Variants in GDF10 observed in about 807,000 individuals in gnomAD.
GDF10 encodes growth/differentiation factor 10.
In GDF10, 23 loss-of-function variants were observed where a neutral mutation model predicts 32.1. The observed-to-expected ratio is 0.72, with a 90% CI of 0.52 to 1.02. The LOEUF (loss-of-function observed/expected upper bound fraction) is 1.02. Ranked by LOEUF, GDF10 falls within the 50% of genes least tolerant of loss-of-function variation. The probability of loss-of-function intolerance (pLI) is 0.00; values close to 1 mark genes in which losing one functional copy is unlikely to be tolerated. For missense variants in GDF10, 764 were observed against 673.9 expected, an observed-to-expected ratio of 1.13 and a Z score of -1.48; for synonymous variants, 328 against 303.1, an observed-to-expected ratio of 1.08 and a Z score of -0.85.
Position 47,312,771 on chromosome 10 carries a change from G to A in GDF10, c.1416G>A (p.Val472=). 6.3e-7 allele frequency: 1 copy of A among 1,592,334 alleles called. No individual in the cohort carries two copies. Among genetic ancestry groups the A allele is most frequent in the Non-Finnish European group, 8.6e-7 (1 of 1,168,584 alleles). The change falls in exon 3 of 3, where the codon GTG becomes GTA. Residue 472 remains valine, a synonymous_variant. Coordinates refer to ENST00000580279, the MANE Select transcript of GDF10 (RefSeq NM_004962.5). ...TGAAGGTGTACCCCAACATGTCCGT[G>A]GACACCTGTGCCTGCCGGTGAGACC... ...VVLKVYPNMS[V]DTCACR
chr10:47,310,198 C>G lies in GDF10; in HGVS notation c.722C>G (p.Ala241Gly). 1 of 1,610,848 alleles carries G rather than the reference C, an allele frequency of 6.2e-7. No individual in the cohort carries two copies. Among genetic ancestry groups the G allele is most frequent in the Non-Finnish European group, 8.5e-7 (1 of 1,178,832 alleles). ...DPGVPRPSPY[A>G]PYILVYANDL... is the part of the protein sequence containing the mutation. Reference sequence around the variant, plus strand: ...GGGGTGCCCCGGCCCAGCCCCTATGCGCCCTACATCCTAGTCTATGCCAAC... The same window carrying G: ...GGGGTGCCCCGGCCCAGCCCCTATGGGCCCTACATCCTAGTCTATGCCAAC... The change falls in exon 2 of 3, where the codon GCG becomes GGG. Residue 241 changes from alanine (A) to glycine (G), a missense_variant. By Grantham distance (60) the Ala-to-Gly change is moderately conservative (BLOSUM62 0). Transcript: ENST00000580279.
rs2061036960 is a variant in GDF10 at position 47,309,863 on chromosome 10, T to G, written c.387T>G (p.Leu129=). The change falls in exon 2 of 3, where the codon CTT becomes CTG. Residue 129 remains leucine (L), a synonymous_variant. Transcript: ENST00000580279. Reference sequence around the variant, plus strand: ...CCATGCAAGACTCGGAAATGATCCTTACGGCCACTTTCCACTTCTACTCAG... The same window carrying G: ...CCATGCAAGACTCGGAAATGATCCTGACGGCCACTTTCCACTTCTACTCAG... ...LTSMQDSEMI[L]TATFHFYSEP... 6.2e-7 allele frequency: 1 copy of G among 1,613,162 alleles called. No individual in the cohort carries two copies. The highest frequency in any genetic ancestry group is 8.5e-7 in the Non-Finnish European group (1 of 1,179,866).
At chr10:47,307,808 G>A (rs1343559779) in intron 1 of GDF10, among the ~76,000 whole-genome samples, 2 of 152,232 alleles carry the variant, frequency 1.3e-5, no homozygotes, top group African/African-American at 4.8e-5. Context: ...CAGATATTTG[G>A]ATCAGTGAAT....
chr10:47,308,316 A>G (rs2061030493), intron 1 of GDF10, among the ~76,000 whole-genome samples: 1 of 152,136 alleles, frequency 6.6e-6, no homozygotes, highest in Non-Finnish European at 1.5e-5. Context: ...GCTGCTGCTT[A>G]TGTGTGGAGC....
chr10:47,309,749 A>T, intron 1 of GDF10, 47 bp from the exon 2 acceptor site: 1 of 1,348,258 alleles, frequency 7.4e-7, no homozygotes, highest in Non-Finnish European at 1.0e-6. Context: ...GACCCTCAGG[A>T]GCACGAGCGA....
At chr10:47,311,675 A>T (rs782215517) in intron 2 of GDF10, among the ~76,000 whole-genome samples, 1 of 152,210 alleles carries the variant, frequency 6.6e-6, no homozygotes, top group Non-Finnish European at 1.5e-5. Flanking sequence ...AAAAGGGCCT[A>T]GCAAAGACCC....
At chr10:47,303,365 C>T (rs1261072132) in intron 1 of GDF10, among the ~76,000 whole-genome samples, 1 of 152,244 alleles carries the variant, frequency 6.6e-6, no homozygotes, top group Admixed American at 6.5e-5. Context: ...CAGTGCAGCT[C>T]AGCTGCCAAG....
chr10:47,305,431 C>T (rs1317246884), intron 1 of GDF10, among the ~76,000 whole-genome samples: 1 of 152,208 alleles, frequency 6.6e-6, no homozygotes, highest in African/African-American at 2.4e-5. Flanking sequence ...GGCGTTGAAC[C>T]TCAACCCTAG....
chr10:47,311,701 C>T (rs372404134), intron 2 of GDF10, among the ~76,000 whole-genome samples: 50 of 152,308 alleles, frequency 3.3e-4, no homozygotes, highest in South Asian at 1.0e-3. Flanking sequence ...GATGCAAGCC[C>T]GGAACCCTGA....
At chr10:47,311,907 G>C (rs1555207811) in intron 2 of GDF10, among the ~76,000 whole-genome samples, 1 of 152,244 alleles carries the variant, frequency 6.6e-6, no homozygotes, top group Non-Finnish European at 1.5e-5. Context: ...ATGCACTGAA[G>C]TGGATGACCC....
rs1555207544 is a variant in GDF10, at chr10:47,310,171, C to T, written c.695C>T (p.Pro232Leu). ...CAGCTGGATTCTGAGGAGAGGGACC[C>T]GGGGGTGCCCCGGCCCAGCCCCTAT... ...SAQLDSEERD[P>L]GVPRPSPYAP... Residue 232 changes from proline to leucine, a missense_variant, in exon 2 of 3, where the codon CCG (proline) becomes CTG (leucine). Pro to Leu is a moderately conservative substitution (Grantham distance 98). Transcript: ENST00000580279. The T allele has an allele frequency of 1.9e-6, 3 of 1,611,658 alleles. No individual in the cohort carries two copies. The highest frequency in any genetic ancestry group is 1.3e-5 in the African/African-American group (1 of 74,922).
chr10:47,303,821 A>T (rs959045853), intron 1 of GDF10, among the ~76,000 whole-genome samples: 2 of 152,116 alleles, frequency 1.3e-5, no homozygotes, highest in Non-Finnish European at 2.9e-5. Context: ...AATACTACAT[A>T]CTCACCTGTC....
At chr10:47,309,607 C>T (rs1487521198) in intron 1 of GDF10, among the ~76,000 whole-genome samples, 189 bp from the exon 2 acceptor site, 1 of 152,186 alleles carries the variant, frequency 6.6e-6, no homozygotes, top group African/African-American at 2.4e-5. Context: ...CACCTGTGCA[C>T]TGAGGATTGC....
intron 1 of GDF10, among the ~76,000 whole-genome samples, chr10:47,301,815 C>T (rs1251352673): frequency 1.3e-5 from 2 of 152,154 alleles, no homozygotes; most frequent in Admixed American, 1.3e-4. Context: ...GTGGGGGTCT[C>T]CTGCAGCTCT....
At chr10:47,302,409 A>T (rs2061007916) in intron 1 of GDF10, among the ~76,000 whole-genome samples, 1 of 152,264 alleles carries the variant, frequency 6.6e-6, no homozygotes, top group South Asian at 2.1e-4. Context: ...TTTAAACTTG[A>T]CCTTGCTTCT....
At chr10:47,306,525 T>C (rs1321925782) in intron 1 of GDF10, among the ~76,000 whole-genome samples, 1 of 152,200 alleles carries the variant, frequency 6.6e-6, no homozygotes, top group Non-Finnish European at 1.5e-5. Flanking sequence ...CTAAGCCTTA[T>C]GGTGAGGTCT....
chr10:47,303,213 C>G (rs556865525), intron 1 of GDF10, among the ~76,000 whole-genome samples: 3 of 152,314 alleles, frequency 2.0e-5, no homozygotes, highest in East Asian at 3.9e-4. Flanking sequence ...GGCTTCAGCT[C>G]TGGTCCGAGA....
chr10:47,312,604 G>T lies in GDF10; in HGVS notation c.1249G>T (p.Val417Phe). Residue 417 changes from valine (V) to phenylalanine (F), a missense_variant, in exon 3 of 3, where the codon GTT (valine) becomes TTT (phenylalanine). Physicochemically the swap from Val to Phe is conservative, Grantham distance 50. Coordinates refer to ENST00000580279, the MANE Select transcript of GDF10 (RefSeq NM_004962.5). The part of the protein sequence containing the change: ...GACEFPMPKI[V>F]RPSNHATIQS... ...CTACTCCTTTTCTGCCTTGCAGATC[G>T]TTCGTCCATCCAACCATGCCACCAT... 1.3e-6 allele frequency: 2 copies of T among 1,579,218 alleles called. No homozygotes were observed. The highest frequency in any genetic ancestry group is 1.7e-6 in the Non-Finnish European group (2 of 1,161,366).
chr10:47,301,215 C>A (rs1902724), intron 1 of GDF10, among the ~76,000 whole-genome samples: 86,192 of 152,174 alleles, frequency 0.57, 27,149 homozygotes, highest in Non-Finnish European at 0.69. Context: ...TGGACATACA[C>A]AGACTACCCC....
Sources: gnomAD v4.1 joint callset for allele counts (sites outside exome capture counted in the v4.1 genomes callset) on GRCh38, gnomAD v4.1.1 for gene constraint, MANE v1.5 for transcripts, NCBI Gene and HGNC (gene_info 2026-07-23, HGNC 2026-07-21) for gene names.